SEC31A: variants seen among roughly 807,000 people sequenced by gnomAD.
SEC31A encodes the protein protein transport protein Sec31A.
Under a neutral mutation model 151.0 loss-of-function variants are expected in SEC31A, and 70 were observed. The observed-to-expected ratio is 0.46, with a 90% CI of 0.38 to 0.57. SEC31A has a LOEUF of 0.57. SEC31A is among the 20% of genes least tolerant of loss of function. The pLI, the probability that SEC31A is intolerant of heterozygous loss-of-function variation, is 0.00. For synonymous variants in SEC31A, 475 were observed against 505.9 expected (o/e 0.94, Z 0.82); for missense variants, 1,330 against 1,471.2 (o/e 0.90, Z 1.57).
At chr4:82,842,050 A>G (rs1578187106) in intron 22 of SEC31A, 90 bp downstream of exon 22, 3 of 1,100,256 alleles carry the variant, frequency 2.7e-6, no homozygotes, top group Middle Eastern at 6.2e-4. Context: ...CCCAGTTTAC[A>G]AACAGTTAGA....
At chr4:82,895,759 C>T (rs2126004484), upstream of SEC31A, 1 of 152,256 alleles carries the variant, frequency 6.6e-6, no homozygotes, top group South Asian at 2.1e-4. Flanking sequence ...AAGAAAAACA[C>T]CCTTCAATTT....
intron 3 of SEC31A, chr4:82,899,458 ATTGG>A (rs2126007116): frequency 6.6e-6 from 1 of 152,354 alleles, no homozygotes; most frequent in Non-Finnish European, 1.5e-5. Context: ...TCGGGTCTTA[ATTGG>A]TTGAGCAGGA....
chr4:82,898,692 T>C (rs1409704847), intron 3 of SEC31A, among the ~76,000 whole-genome samples: 2 of 152,174 alleles, frequency 1.3e-5, no homozygotes, highest in Non-Finnish European at 2.9e-5. Flanking sequence ...TTTGAGTCCT[T>C]AAGAAAAGGC....
Position 82,880,048 on chromosome 4 carries a change from T to C in SEC31A, c.203+751A>G, listed in dbSNP as rs143881042. ...TCTATACAAAATTAGCCAGGCATGG[T>C]GGCACATGCCTGTAATCCCAGCTAC... On this transcript the variant is annotated intron_variant, in intron 3 of 26. Transcript: ENST00000395310. 6.6e-3 allele frequency among the ~76,000 whole-genome samples: 1,003 copies of C among 152,138 alleles called. 10 individuals carry two copies. The highest frequency in any genetic ancestry group is 0.023 in the African/African-American group (951 of 41,488).
chr4:82,891,366 G>T (rs1272620701), upstream of SEC31A: 1 of 620,258 alleles, frequency 1.6e-6, no homozygotes, highest in Non-Finnish European at 2.8e-6. Flanking sequence ...CGGTCATCGC[G>T]CCCCGGCGAT....
chr4:82,825,799 T>C (rs1290091032), intron 24 of SEC31A, among the ~76,000 whole-genome samples: 1 of 152,172 alleles, frequency 6.6e-6, no homozygotes, highest in Non-Finnish European at 1.5e-5. Context: ...TGAAGGTAGC[T>C]TGGACTACAG....
intron 18 of SEC31A, among the ~76,000 whole-genome samples, chr4:82,852,287 TTC>T (rs1344255227): frequency 1.3e-5 from 2 of 152,224 alleles, no homozygotes; most frequent in Non-Finnish European, 2.9e-5. Context: ...TGGGTATTTC[TTC>T]ATTGCAGTAT....
At chr4:82,852,738 G>A (rs1209125330) in intron 18 of SEC31A, among the ~76,000 whole-genome samples, 1 of 152,150 alleles carries the variant, frequency 6.6e-6, no homozygotes, top group Non-Finnish European at 1.5e-5. Flanking sequence ...TAGTACCTGA[G>A]AATAGTCCCC....
At chr4:82,873,931 T>C (rs1737344241) in intron 6 of SEC31A, among the ~76,000 whole-genome samples, 1 of 152,160 alleles carries the variant, frequency 6.6e-6, no homozygotes, top group Non-Finnish European at 1.5e-5. Context: ...AAGTCAAATA[T>C]TACAAGTTCA....
At chr4:82,824,082 T>C (rs559825214) in intron 25 of SEC31A, among the ~76,000 whole-genome samples, 1 of 152,236 alleles carries the variant, frequency 6.6e-6, no homozygotes. Flanking sequence ...TTAAATATAT[T>C]TCTATATGTA....
intron 2 of SEC31A, chr4:82,899,992 C>T (rs1404404917): frequency 6.6e-6 from 1 of 152,290 alleles, no homozygotes; most frequent in African/African-American, 2.4e-5. Context: ...GAAAGCTATT[C>T]ATAATGCCTC....
chr4:82,838,468 G>C (rs1727942969), intron 22 of SEC31A, among the ~76,000 whole-genome samples: 1 of 152,068 alleles, frequency 6.6e-6, no homozygotes, highest in African/African-American at 2.4e-5. Flanking sequence ...CTAGAACTAG[G>C]AAAGAGCCTG....
chr4:82,832,229 A>G (rs767226796), intron 22 of SEC31A, among the ~76,000 whole-genome samples: 7 of 152,230 alleles, frequency 4.6e-5, no homozygotes, highest in Non-Finnish European at 1.0e-4. Flanking sequence ...AATGGAACAG[A>G]ACGGAGGCCT....
chr4:82,861,880 C>A, intron 13 of SEC31A, 172 bp from the exon 14 acceptor site: 4 of 261,706 alleles, frequency 1.5e-5, no homozygotes, highest in South Asian at 1.6e-4. Context: ...AAGCAAAGAA[C>A]TATTACTGCT....
intron 16 of SEC31A, among the ~76,000 whole-genome samples, chr4:82,856,683 G>A (rs1265161208): frequency 2.0e-5 from 3 of 152,108 alleles, no homozygotes; most frequent in East Asian, 2.0e-4. Context: ...CCCAGAAGGT[G>A]GAGGTTGCAG....
intron 5 of SEC31A, 139 bp from the exon 6 acceptor site, chr4:82,874,890 C>T (rs1482024307): frequency 9.1e-6 from 8 of 876,668 alleles, no homozygotes; most frequent in Admixed American, 3.1e-5. Flanking sequence ...GCTTTATAGT[C>T]CTACATCTCT....
At chr4:82,889,546 CAA>C (rs11463983) in intron 1 of SEC31A, among the ~76,000 whole-genome samples, 5 of 129,958 alleles carry the variant, frequency 3.8e-5, no homozygotes, top group African/African-American at 8.7e-5. Flanking sequence ...GACCCTGTCT[CAA>C]AAAAAAAAAA....
intron 20 of SEC31A, among the ~76,000 whole-genome samples, chr4:82,846,416 T>C (rs1730234614): frequency 7.4e-6 from 1 of 135,734 alleles, no homozygotes; most frequent in Non-Finnish European, 1.7e-5. Flanking sequence ...CAATTGACTC[T>C]TGAATAACAT....
At chr4:82,884,064 T>C (rs1401311349) in intron 1 of SEC31A, among the ~76,000 whole-genome samples, 1 of 148,012 alleles carries the variant, frequency 6.8e-6, no homozygotes. Context: ...CTCGGCTCAC[T>C]GCAACGTCTG....
Sources: allele counts gnomAD v4.1 joint callset (sites outside exome capture counted in the v4.1 genomes callset), GRCh38; gene constraint gnomAD v4.1.1; transcripts MANE v1.5; gene names NCBI Gene and HGNC (gene_info 2026-07-23, HGNC 2026-07-21).